Variants in APC observed in about 807,000 individuals in gnomAD.
APC encodes the protein APC regulator of Wnt signaling pathway.
APC carries 72 observed loss-of-function variants against 247.0 expected under a neutral mutation model. That is an observed-to-expected ratio of 0.29 (90% CI 0.24 to 0.35). The LOEUF (loss-of-function observed/expected upper bound fraction) is 0.35, where lower values mean the gene tolerates loss of function less well. Ranked by LOEUF, APC falls within the 10% of genes least tolerant of loss-of-function variation. The probability of loss-of-function intolerance (pLI) is 1.00; values close to 1 mark genes in which losing one functional copy is unlikely to be tolerated. For synonymous variants in APC, 1,254 were observed against 1,162.5 expected, an observed-to-expected ratio of 1.08 and a Z score of -1.60; for missense variants, 3,400 against 3,360.7, an observed-to-expected ratio of 1.01 and a Z score of -0.29.
chr5:112,816,329 T>A (rs1015886151), intron 9 of APC, among the ~76,000 whole-genome samples: 1 of 152,212 alleles, frequency 6.6e-6, no homozygotes, highest in African/African-American at 2.4e-5. Flanking sequence ...TTTTTACTTA[T>A]CTTTTGCTGT....
rs1293570151 is a variant in APC at position 112,786,873 on chromosome 5, C to CCTTTTT, written c.646-5560_646-5555dup. Among the ~76,000 whole-genome samples, 655 of 147,788 alleles carry CCTTTTT rather than the reference C, an allele frequency of 4.4e-3. 9 individuals are homozygous for CCTTTTT. The East Asian group carries it at 0.068, about 15-fold the overall frequency. ...TCTCTTTTGCAACTACTCAACCCTG[C>CCTTTTT]CTTTTTCTTTTTCTTTTTTTTTTTT... On this transcript the variant is annotated intron_variant, in intron 6 of 15. Coordinates refer to ENST00000257430, the MANE Select transcript of APC (RefSeq NM_000038.6).
At chr5:112,734,885 G>A (rs1752294581), upstream of APC, among the ~76,000 whole-genome samples, 1 of 150,790 alleles carries the variant, frequency 6.6e-6, no homozygotes. Context: ...CCACCTCCCA[G>A]GTCCAAGAGA....
At chr5:112,792,696 T>C (rs1330930010) in intron 7 of APC, among the ~76,000 whole-genome samples, 167 bp downstream of exon 7, 2 of 152,242 alleles carry the variant, frequency 1.3e-5, no homozygotes, top group Admixed American at 1.3e-4. Context: ...ATTTGGACTA[T>C]TTTGATTTTA....
intron 8 of APC, among the ~76,000 whole-genome samples, chr5:112,813,881 A>G (rs963267085): frequency 6.6e-6 from 1 of 152,230 alleles, no homozygotes; most frequent in African/African-American, 2.4e-5. Context: ...GCCATCTCAC[A>G]GTCCTCAAAA....
chr5:112,739,868 TA>T (rs1752794318), intron 1 of APC, among the ~76,000 whole-genome samples: 1 of 152,232 alleles, frequency 6.6e-6, no homozygotes, highest in African/African-American at 2.4e-5. Flanking sequence ...TATTTTTACA[TA>T]AATTACCTTT....
At chr5:112,725,748 G>A (rs914793220) in intron 1 of APC, among the ~76,000 whole-genome samples, 4 of 152,200 alleles carry the variant, frequency 2.6e-5, no homozygotes, top group Admixed American at 6.5e-5. Flanking sequence ...GCAACAGTGA[G>A]ACCCTATCTC....
chr5:112,752,734 G>T (rs1008185873), intron 1 of APC, among the ~76,000 whole-genome samples: 2 of 152,238 alleles, frequency 1.3e-5, no homozygotes, highest in Middle Eastern at 3.4e-3. Flanking sequence ...TTTGGATTAG[G>T]GAGGTATGGC....
Position 112,821,879 on chromosome 5 carries a change from T to C in APC, c.1313-17T>C. On this transcript the variant is annotated splice_polypyrimidine_tract_variant and intron_variant, in intron 10 of 15. Transcript: ENST00000257430. ...AAATAACAAAGCATTATGGTTTATG[T>C]TGATTTTATTTTTCAGTGCCAGCTC... 1 of 1,586,306 alleles carries C rather than the reference T, an allele frequency of 6.3e-7. No homozygotes were observed. Among genetic ancestry groups the C allele is most frequent in the Non-Finnish European group, 8.7e-7 (1 of 1,155,692 alleles).
At chr5:112,724,063 A>G (rs1331382723) in intron 1 of APC, among the ~76,000 whole-genome samples, 1 of 152,228 alleles carries the variant, frequency 6.6e-6, no homozygotes, top group Non-Finnish European at 1.5e-5. Context: ...TCCTAAAGCA[A>G]GCACAAAATA....
chr5:112,748,047 C>T (rs568500655), intron 1 of APC, among the ~76,000 whole-genome samples: 7 of 152,266 alleles, frequency 4.6e-5, no homozygotes, highest in African/African-American at 7.2e-5. Flanking sequence ...AGAAATCATA[C>T]GACCCACAAA....
chr5:112,709,835 G>C (rs6895054), intron 1 of APC, among the ~76,000 whole-genome samples: 1 of 152,204 alleles, frequency 6.6e-6, no homozygotes, highest in South Asian at 2.1e-4. Flanking sequence ...AGCCCGGGAT[G>C]TGGAGGTTGC....
chr5:112,747,317 G>A (rs550466921), intron 1 of APC, among the ~76,000 whole-genome samples: 137 of 152,328 alleles, frequency 9.0e-4, no homozygotes, highest in African/African-American at 2.9e-3. Flanking sequence ...GTATGGAAAT[G>A]TGAGCCTCTC....
At chr5:112,720,578 A>C (rs1751427431) in intron 1 of APC, among the ~76,000 whole-genome samples, 1 of 152,200 alleles carries the variant, frequency 6.6e-6, no homozygotes, top group Non-Finnish European at 1.5e-5. Context: ...ACTTGCCTAA[A>C]AATATGAGGG....
At chr5:112,799,798 T>G (rs547895731) in intron 7 of APC, among the ~76,000 whole-genome samples, 10 of 152,134 alleles carry the variant, frequency 6.6e-5, no homozygotes, top group Non-Finnish European at 1.2e-4. Context: ...CACACCATGA[T>G]TCGTTGACAC....
At position 112,716,566 on chromosome 5, in the gene APC, T is replaced by C. The variant is rs1465687398; in HGVS notation, c.165+8684T>C. Among the ~76,000 whole-genome samples, 8 of 152,162 alleles carry C rather than the reference T, an allele frequency of 5.3e-5. No homozygotes were observed. In the East Asian group the frequency reaches 1.5e-3, roughly 29 times the overall value. On this transcript the variant is annotated intron_variant, in intron 1 of 13. Transcript: ENST00000507379. ...CTGTATTTTTTTTATTAGGTCATAT[T>C]TGTTAATCCTGCATTTCAAATCTTA...
chr5:112,764,616 T>C (rs1445253923), intron 2 of APC, among the ~76,000 whole-genome samples: 2 of 152,226 alleles, frequency 1.3e-5, no homozygotes, highest in Non-Finnish European at 2.9e-5. Context: ...AAAGCATCCA[T>C]CAGTTGGTTG....
Position 112,841,630 on chromosome 5 carries a change from T to G in APC, c.6036T>G (p.Phe2012Leu). 6.2e-7 allele frequency: 1 copy of G among 1,613,596 alleles called. No individual in the cohort carries two copies. Among genetic ancestry groups the G allele is most frequent in the South Asian group, 1.1e-5 (1 of 91,084 alleles). Residue 2012 changes from phenylalanine to leucine, a missense_variant, in exon 16 of 16, where the codon TTT (phenylalanine) becomes TTG (leucine). Around this residue, in one of 9 missense-constraint regions of APC, gnomAD observed 1,788 missense variants for 1,649.5 expected, o/e 1.08. Transcript: ENST00000257430. The surrounding 1 kb of genome is among the most constrained non-coding windows in gnomAD (Gnocchi z 4.6). Reference sequence around the variant, plus strand: ...CATCAGGCTATGCTCCTAAATCATTTCATGTTGAAGATACCCCAGTTTGTT... The same window carrying G: ...CATCAGGCTATGCTCCTAAATCATTGCATGTTGAAGATACCCCAGTTTGTT... ...PQASGYAPKS[F>L]HVEDTPVCFS... is the part of the protein sequence containing the mutation.
intron 8 of APC, among the ~76,000 whole-genome samples, chr5:112,810,514 G>A (rs1392549596): frequency 3.3e-5 from 5 of 152,216 alleles, no homozygotes; most frequent in African/African-American, 1.2e-4. Context: ...AGCACGGAGA[G>A]TCTAGGTGTA....
At chr5:112,792,790 T>C (rs1197581977) in intron 7 of APC, among the ~76,000 whole-genome samples, 2 of 151,914 alleles carry the variant, frequency 1.3e-5, no homozygotes, top group African/African-American at 4.9e-5. Flanking sequence ...AATCAAATAG[T>C]TAACTTAATT....
Sources: gnomAD v4.1 joint callset for allele counts (sites outside exome capture counted in the v4.1 genomes callset) on GRCh38, gnomAD v4.1.1 for gene constraint, gnomAD v4.1.1 regional missense constraint, Gnocchi (gnomAD v3.1) non-coding constraint, MANE v1.5 for transcripts, NCBI Gene and HGNC (gene_info 2026-07-23, HGNC 2026-07-21) for gene names.